DCDC2C: variants seen among roughly 807,000 people sequenced by gnomAD.
DCDC2C encodes the protein doublecortin domain-containing protein 2C.
In DCDC2C, 44 loss-of-function variants were observed where a neutral mutation model predicts 45.0. That is an observed-to-expected ratio of 0.98 (90% CI 0.77 to 1.26). The LOEUF (loss-of-function observed/expected upper bound fraction) is 1.26. Ranked by LOEUF, DCDC2C falls within the 50% of genes most tolerant of loss-of-function variation. DCDC2C has a pLI of 0.00. For missense variants in DCDC2C, 447 were observed against 468.9 expected (o/e 0.95, Z 0.43); for synonymous variants, 187 against 178.8 (o/e 1.05, Z -0.37).
chr2:3,748,615 A>G (rs1669444336), intron 4 of DCDC2C, among the ~76,000 whole-genome samples: 1 of 152,078 alleles, frequency 6.6e-6, no homozygotes, highest in Non-Finnish European at 1.5e-5. Flanking sequence ...AAGTCAAGGA[A>G]GAGATCAGGC....
At chr2:3,712,881 T>C (rs1668251818) in intron 2 of DCDC2C, among the ~76,000 whole-genome samples, 1 of 152,180 alleles carries the variant, frequency 6.6e-6, no homozygotes, top group South Asian at 2.1e-4. Flanking sequence ...AAGTTTCCTC[T>C]CTTTTAACAC....
intron 3 of DCDC2C, among the ~76,000 whole-genome samples, chr2:3,738,540 GAAAAAAA>G (rs60799536): frequency 2.8e-5 from 2 of 71,978 alleles, no homozygotes; most frequent in African/African-American, 1.1e-4. Flanking sequence ...GTCTATCTGG[GAAAAAAA>G]AAAAAAAAAA....
chr2:3,742,479 A>C (rs1411915449), intron 4 of DCDC2C, among the ~76,000 whole-genome samples: 1 of 152,032 alleles, frequency 6.6e-6, no homozygotes, highest in African/African-American at 2.4e-5. Flanking sequence ...ACAGAAGAGC[A>C]TGTGGGAGGG....
intron 6 of DCDC2C, among the ~76,000 whole-genome samples, chr2:3,758,750 C>G (rs1451283771): frequency 6.6e-6 from 1 of 152,214 alleles, no homozygotes. Context: ...GCTTATGAGG[C>G]TGTGTTCAGC....
intron 10 of DCDC2C, among the ~76,000 whole-genome samples, chr2:3,809,750 A>C (rs1671343043): frequency 1.3e-5 from 2 of 151,470 alleles, no homozygotes; most frequent in Non-Finnish European, 2.9e-5. Flanking sequence ...CCTTACCCCC[A>C]ACCCCCAACA....
chr2:3,799,053 G>C (rs1671040131), intron 10 of DCDC2C, among the ~76,000 whole-genome samples: 1 of 152,138 alleles, frequency 6.6e-6, no homozygotes, highest in African/African-American at 2.4e-5. Flanking sequence ...CATATTTCTT[G>C]GAGGCTTTGC....
chr2:3,745,055 G>A (rs11678599), intron 4 of DCDC2C, among the ~76,000 whole-genome samples: 2,787 of 152,104 alleles, frequency 0.018, 81 homozygotes, highest in African/African-American at 0.064. Flanking sequence ...GTGCAATCTC[G>A]GCTCACTGCA....
rs568996093 is a variant in DCDC2C at position 3,799,910 on chromosome 2, C to G, written c.1065+14810C>G. ...ATGGGCTCCACCCAGTTCGAGCTTC[C>G]CAGATGCTTTGTTTACCTAAGCAAT... On this transcript the variant is annotated intron_variant, in intron 10 of 10. Transcript: ENST00000399143. Among the ~76,000 whole-genome samples, 6 of 152,364 alleles carry G rather than the reference C, an allele frequency of 3.9e-5. No homozygotes were observed. The South Asian group carries it at 8.3e-4, about 21-fold the overall frequency.
chr2:3,754,655 A>G (rs142578283), intron 6 of DCDC2C, 21 bp downstream of exon 6: 46 of 1,545,642 alleles, frequency 3.0e-5, no homozygotes, highest in African/African-American at 4.1e-5. Context: ...TTTTAAAACA[A>G]GTAAGTAACT....
chr2:3,704,394 TG>T (rs1667982670), intron 1 of DCDC2C, among the ~76,000 whole-genome samples: 1 of 18,322 alleles, frequency 5.5e-5, no homozygotes, highest in Non-Finnish European at 1.0e-4. Flanking sequence ...GAGAGGGGCG[TG>T]GGGGGCGTGG....
intron 2 of DCDC2C, among the ~76,000 whole-genome samples, chr2:3,722,594 G>C (rs1258033511): frequency 6.6e-6 from 1 of 152,204 alleles, no homozygotes; most frequent in Non-Finnish European, 1.5e-5. Context: ...GCGTCCTTCA[G>C]CCTCTCAGGA....
chr2:3,769,501 C>A, intron 8 of DCDC2C, 90 bp downstream of exon 8: 5 of 1,139,300 alleles, frequency 4.4e-6, no homozygotes, highest in Non-Finnish European at 6.4e-6. Flanking sequence ...CCTCTCCCTG[C>A]AAATTCTCTC....
At chr2:3,829,666 T>G (rs1382016777) in intron 10 of DCDC2C, among the ~76,000 whole-genome samples, 2 of 152,202 alleles carry the variant, frequency 1.3e-5, no homozygotes, top group African/African-American at 4.8e-5. Flanking sequence ...TTAATATCTT[T>G]GGGTAAAGCT....
chr2:3,780,350 T>C (rs1477585571), intron 9 of DCDC2C, among the ~76,000 whole-genome samples: 1 of 152,212 alleles, frequency 6.6e-6, no homozygotes, highest in Non-Finnish European at 1.5e-5. Flanking sequence ...CTGAATCCCT[T>C]GTGCACACTG....
At chr2:3,797,131 T>G (rs1670979213) in intron 10 of DCDC2C, among the ~76,000 whole-genome samples, 1 of 152,236 alleles carries the variant, frequency 6.6e-6, no homozygotes, top group South Asian at 2.1e-4. Flanking sequence ...TATCCATTTC[T>G]TCTAGATTTT....
Position 3,813,063 on chromosome 2 carries a change from ATATATTTT to A in DCDC2C, c.1065+27965_1065+27972del, listed in dbSNP as rs1285247677. 3.6e-4 allele frequency among the ~76,000 whole-genome samples: 6 copies of A among 16,796 alleles called. No homozygotes were observed. The East Asian group carries it at 8.0e-3, about 22-fold the overall frequency. The allele number at this position is 16,796 out of a possible 152,430, so 11.0% of individuals were successfully genotyped here. ...CGTATATATATATATATATATATAT[ATATATTTT>A]TTTTTTTTTGCTGTTTTTGAGATGG... On this transcript the variant is annotated intron_variant, in intron 10 of 10. Transcript: ENST00000399143.
chr2:3,794,246 A>C (rs1670896900), intron 10 of DCDC2C, among the ~76,000 whole-genome samples: 1 of 152,244 alleles, frequency 6.6e-6, no homozygotes, highest in African/African-American at 2.4e-5. Flanking sequence ...ACAATACTTA[A>C]AAAATCACAT....
chr2:3,807,063 T>C (rs1410580782), intron 10 of DCDC2C, among the ~76,000 whole-genome samples: 2 of 141,766 alleles, frequency 1.4e-5, no homozygotes, highest in Non-Finnish European at 3.0e-5. Context: ...ATCTTGGGAC[T>C]TTTTTTTCTT....
At chr2:3,797,170 G>A (rs924569956) in intron 10 of DCDC2C, among the ~76,000 whole-genome samples, 18 of 152,318 alleles carry the variant, frequency 1.2e-4, no homozygotes, top group Non-Finnish European at 2.2e-4. Context: ...GTTGTTTGTA[G>A]TATTCTCTGA....
Sources: gnomAD v4.1 joint callset for allele counts (sites outside exome capture counted in the v4.1 genomes callset) on GRCh38, gnomAD v4.1.1 for gene constraint, MANE v1.5 for transcripts, NCBI Gene and HGNC (gene_info 2026-07-23, HGNC 2026-07-21) for gene names.